NRG3: variants seen among roughly 807,000 people sequenced by gnomAD.
NRG3 encodes pro-neuregulin-3, membrane-bound isoform.
In NRG3, 31 loss-of-function variants were observed where a neutral mutation model predicts 66.9. The observed-to-expected ratio is 0.46, with a 90% CI of 0.35 to 0.63. The LOEUF (loss-of-function observed/expected upper bound fraction) is 0.63. NRG3 is among the 20% of genes least tolerant of loss of function. The pLI is 0.00. For synonymous variants in NRG3, 393 were observed against 359.4 expected (o/e 1.09, Z -1.06); for missense variants, 910 against 878.9 (o/e 1.04, Z -0.45).
At chr10:82,712,336 T>G (rs2056722599) in intron 2 of NRG3, among the ~76,000 whole-genome samples, 1 of 152,196 alleles carries the variant, frequency 6.6e-6, no homozygotes, top group East Asian at 1.9e-4. Context: ...AACTGTCTAA[T>G]TGAAGTATTG....
chr10:82,901,031 G>A (rs551102037), intron 4 of NRG3, among the ~76,000 whole-genome samples: 1 of 152,152 alleles, frequency 6.6e-6, no homozygotes, highest in Admixed American at 6.5e-5. Flanking sequence ...AATTTAATAG[G>A]AGTTAGTTAA....
intron 1 of NRG3, among the ~76,000 whole-genome samples, chr10:81,915,897 C>T (rs1469024072): frequency 6.6e-6 from 1 of 152,012 alleles, no homozygotes; most frequent in African/African-American, 2.4e-5. Context: ...TTGGTACAGG[C>T]CCGTCTCTTG....
At chr10:81,921,527 A>G (rs1040674) in intron 1 of NRG3, among the ~76,000 whole-genome samples, 29,977 of 151,932 alleles carry the variant, frequency 0.2, 3,744 homozygotes, top group East Asian at 0.44. Flanking sequence ...CTCAATTCCA[A>G]TTATTGAAAT....
At chr10:82,319,071 T>A (rs147053382) in intron 1 of NRG3, among the ~76,000 whole-genome samples, 143 of 152,346 alleles carry the variant, frequency 9.4e-4, no homozygotes, top group African/African-American at 3.2e-3. Flanking sequence ...CAAATATTGT[T>A]ATAGGAAACA....
At chr10:82,590,536 A>G (rs2046921765) in intron 2 of NRG3, among the ~76,000 whole-genome samples, 2 of 152,180 alleles carry the variant, frequency 1.3e-5, no homozygotes, top group South Asian at 2.1e-4. Context: ...GGCTTCTACC[A>G]CGGGCTTGTT....
At chr10:82,671,221 T>C (rs1016164034) in intron 2 of NRG3, among the ~76,000 whole-genome samples, 1 of 152,192 alleles carries the variant, frequency 6.6e-6, no homozygotes, top group Non-Finnish European at 1.5e-5. Flanking sequence ...CTTTGTCTCT[T>C]TCTTAGTTAT....
At chr10:82,728,276 C>T (rs1283349874) in intron 2 of NRG3, among the ~76,000 whole-genome samples, 1 of 152,084 alleles carries the variant, frequency 6.6e-6, no homozygotes, top group Non-Finnish European at 1.5e-5. Flanking sequence ...TATGGTTTGG[C>T]TGTGTCCCCA....
At chr10:82,827,461 T>C (rs1190541051) in intron 3 of NRG3, among the ~76,000 whole-genome samples, 1 of 152,028 alleles carries the variant, frequency 6.6e-6, no homozygotes, top group Admixed American at 6.6e-5. Flanking sequence ...GGGCCACCCT[T>C]CTCCTTTGGC....
At chr10:82,975,012 A>G (rs953809709) in intron 7 of NRG3, among the ~76,000 whole-genome samples, 6 of 152,184 alleles carry the variant, frequency 3.9e-5, no homozygotes, top group Non-Finnish European at 7.3e-5. Flanking sequence ...TTGCCATTTA[A>G]AAGAATATGG....
At chr10:82,577,383 T>C (rs2046090136) in intron 2 of NRG3, among the ~76,000 whole-genome samples, 2 of 151,784 alleles carry the variant, frequency 1.3e-5, no homozygotes, top group Admixed American at 1.3e-4. Flanking sequence ...TCAAAACTTT[T>C]ATAGTTATAG....
intron 1 of NRG3, among the ~76,000 whole-genome samples, chr10:82,097,745 T>G (rs567255697): frequency 1.3e-5 from 2 of 152,200 alleles, no homozygotes; most frequent in East Asian, 3.9e-4. Flanking sequence ...GCCACATTCC[T>G]GACAGCATTT....
rs530552877 is a variant in NRG3, at chr10:82,837,930, A to G, written c.1028-27481A>G. On this transcript the variant is annotated intron_variant, in intron 3 of 8. Transcript: ENST00000372141. ...TCAACAAACAGTAGTACCTGCATGTACGCATTCTCAGAGTATGTGGAAATT... is the reference window on the plus strand; with the variant it reads ...TCAACAAACAGTAGTACCTGCATGTGCGCATTCTCAGAGTATGTGGAAATT... Among the ~76,000 whole-genome samples, 8 of 152,268 alleles carry G rather than the reference A, an allele frequency of 5.3e-5. No homozygotes were observed. In the South Asian group the frequency reaches 1.2e-3, roughly 24 times the overall value.
At chr10:81,970,633 G>A (rs1448624539) in intron 1 of NRG3, among the ~76,000 whole-genome samples, 4 of 152,014 alleles carry the variant, frequency 2.6e-5, no homozygotes, top group African/African-American at 9.7e-5. Flanking sequence ...GAGGCATGGA[G>A]AAGCCAGAAA....
chr10:82,519,829 T>C (rs548073784), intron 2 of NRG3, among the ~76,000 whole-genome samples: 1 of 152,096 alleles, frequency 6.6e-6, no homozygotes, highest in African/African-American at 2.4e-5. Context: ...GGGGAAGAAT[T>C]AGTGGCTTGG....
intron 4 of NRG3, among the ~76,000 whole-genome samples, chr10:82,944,961 A>T (rs1156636177): frequency 6.6e-6 from 1 of 152,122 alleles, no homozygotes; most frequent in Non-Finnish European, 1.5e-5. Context: ...TCAGGCTTCC[A>T]TTTGCTTATT....
chr10:82,874,492 T>C, intron 4 of NRG3, among the ~76,000 whole-genome samples: 1 of 151,736 alleles, frequency 6.6e-6, no homozygotes, highest in South Asian at 2.1e-4. Context: ...CTGTATAGAA[T>C]AAAATGGTAA....
At chr10:82,670,047 G>A (rs114421647) in intron 2 of NRG3, among the ~76,000 whole-genome samples, 18 of 152,162 alleles carry the variant, frequency 1.2e-4, no homozygotes, top group African/African-American at 4.1e-4. Context: ...TTAGACCACT[G>A]TAAGACTTAA....
In NRG3 at chr10:82,864,928, C is replaced by CT. The variant is rs199711115; in HGVS notation, c.1028-476dup. Reference sequence around the variant, plus strand: ...GAGAGAAAAAAGTCCAACATCATTGCTTTTTTTGTGGAGGTAAAGTACACC... The same window carrying CT: ...GAGAGAAAAAAGTCCAACATCATTGCTTTTTTTTGTGGAGGTAAAGTACACC... On this transcript the variant is annotated intron_variant, in intron 3 of 8. Coordinates refer to ENST00000372141, the MANE Select transcript of NRG3 (RefSeq NM_001010848.4). Among the ~76,000 whole-genome samples, 1,104 of 152,162 alleles carry CT rather than the reference C, an allele frequency of 7.3e-3. 13 individuals carry two copies. The highest frequency in any genetic ancestry group is 0.025 in the African/African-American group (1,039 of 41,514).
chr10:82,465,460 T>C (rs1840584282), intron 2 of NRG3, among the ~76,000 whole-genome samples: 1 of 152,230 alleles, frequency 6.6e-6, no homozygotes, highest in Admixed American at 6.5e-5. Context: ...AGTTTAACTT[T>C]ACAGGCTTCT....
Sources: allele counts gnomAD v4.1 joint callset (sites outside exome capture counted in the v4.1 genomes callset), GRCh38; gene constraint gnomAD v4.1.1; transcripts MANE v1.5; gene names NCBI Gene and HGNC (gene_info 2026-07-23, HGNC 2026-07-21).